Variants in RBFOX1 observed in about 807,000 individuals in gnomAD.
RBFOX1 encodes RNA binding fox-1 homolog 1, also known as RNA binding protein fox-1 homolog 1.
Under a neutral mutation model 57.7 loss-of-function variants are expected in RBFOX1, and 8 were observed. The observed-to-expected ratio is 0.14, with a 90% CI of 0.08 to 0.25. The LOEUF (loss-of-function observed/expected upper bound fraction) is 0.25. Among genes scored for constraint, RBFOX1 ranks in the 10% least tolerant of loss-of-function variants. RBFOX1 has a pLI of 1.00. For synonymous variants in RBFOX1, 326 were observed against 222.4 expected (o/e 1.47, Z -4.15); for missense variants, 611 against 548.5 (o/e 1.11, Z -1.14).
intron 1 of RBFOX1, among the ~76,000 whole-genome samples, chr16:6,138,466 G>T (rs998263207): frequency 1.3e-5 from 2 of 152,194 alleles, no homozygotes; most frequent in African/African-American, 4.8e-5. Flanking sequence ...GTAACATTCA[G>T]TTCCTTGCAG....
chr16:6,849,373 G>C (rs2093943604), intron 3 of RBFOX1, among the ~76,000 whole-genome samples: 1 of 152,148 alleles, frequency 6.6e-6, no homozygotes, highest in South Asian at 2.1e-4. Flanking sequence ...ACTTTAGATA[G>C]AACTGAAAGG....
At chr16:7,387,218 T>C (rs1250287623) in intron 4 of RBFOX1, among the ~76,000 whole-genome samples, 1 of 152,230 alleles carries the variant, frequency 6.6e-6, no homozygotes, top group African/African-American at 2.4e-5. Context: ...ACACCAACCA[T>C]TGTGCAAAGT....
Position 6,565,126 on chromosome 16 carries a change from CAAAAAAAAAA to C in RBFOX1, c.-63-89468_-63-89459del, listed in dbSNP as rs34624731. Among the ~76,000 whole-genome samples, 4 of 98,226 alleles carry C rather than the reference CAAAAAAAAAA, an allele frequency of 4.1e-5. No individual in the cohort carries two copies. The East Asian group carries it at 1.2e-3, about 29-fold the overall frequency. The allele number at this position is 98,226 out of a possible 152,430, so 64.4% of individuals were successfully genotyped here. On this transcript the variant is annotated intron_variant, in intron 2 of 15. Transcript: ENST00000550418. ...AGCCTGGGTGGGGAGACTCTGTCTCCAAAAAAAAAAAAAAAAAAGCATTTGCAACAGGGAA... is the reference window on the plus strand; with the variant it reads ...AGCCTGGGTGGGGAGACTCTGTCTCCAAAAAAAAGCATTTGCAACAGGGAA...
At chr16:7,140,943 G>T (rs1325532663) in intron 4 of RBFOX1, among the ~76,000 whole-genome samples, 3 of 152,180 alleles carry the variant, frequency 2.0e-5, no homozygotes, top group African/African-American at 7.2e-5. Context: ...GTGTCTCAGA[G>T]CCTAACGTGG....
In RBFOX1 at chr16:6,826,393, A is replaced by C. The variant is rs28621982; in HGVS notation, c.-16+171743A>C. Among the ~76,000 whole-genome samples, 1,116 of 152,286 alleles carry C rather than the reference A, an allele frequency of 7.3e-3. 24 individuals are homozygous for C. Among genetic ancestry groups the C allele is most frequent in the African/African-American group, 0.026 (1,077 of 41,552 alleles). ...GTGCTTAGAACACTGCCTGGTACATAGTAAATACTCCAGAGTTGCTCGCTG... is the reference window on the plus strand; with the variant it reads ...GTGCTTAGAACACTGCCTGGTACATCGTAAATACTCCAGAGTTGCTCGCTG... On this transcript the variant is annotated intron_variant, in intron 3 of 15. Transcript: ENST00000550418.
chr16:7,189,562 C>T (rs570998565), intron 4 of RBFOX1, among the ~76,000 whole-genome samples: 6 of 148,642 alleles, frequency 4.0e-5, no homozygotes, highest in African/African-American at 1.5e-4. Context: ...AAAACACACA[C>T]ACACACACAC....
intron 4 of RBFOX1, among the ~76,000 whole-genome samples, chr16:5,959,742 G>A (rs917937123): frequency 1.1e-4 from 17 of 152,278 alleles, no homozygotes; most frequent in African/African-American, 2.2e-4. Context: ...ATCCCAGGAG[G>A]CAGAGGTTGT....
chr16:6,529,774 T>G lies in RBFOX1; in HGVS notation c.-63-124829T>G, dbSNP rs1488999432. Among the ~76,000 whole-genome samples the G allele has an allele frequency of 2.0e-5, 3 of 152,232 alleles. No homozygotes were observed. The East Asian group carries it at 5.8e-4, about 29-fold the overall frequency. Reference sequence around the variant, plus strand: ...AGTTCTACAAAACGCCAAGTTGTAGTAACACTTGAGAATCTGAACTGCATG... The same window carrying G: ...AGTTCTACAAAACGCCAAGTTGTAGGAACACTTGAGAATCTGAACTGCATG... On this transcript the variant is annotated intron_variant, in intron 2 of 15. Transcript: ENST00000550418.
intron 3 of RBFOX1, among the ~76,000 whole-genome samples, chr16:5,786,147 C>G (rs997588163): frequency 2.0e-5 from 3 of 152,184 alleles, no homozygotes; most frequent in Non-Finnish European, 4.4e-5. Flanking sequence ...TGCTCCACCT[C>G]TCACCCCAGA....
chr16:6,606,019 G>A (rs1319241112), intron 2 of RBFOX1, among the ~76,000 whole-genome samples: 2 of 152,070 alleles, frequency 1.3e-5, no homozygotes, highest in African/African-American at 4.8e-5. Flanking sequence ...TGAGGCAGGA[G>A]GATCACTTGA....
At chr16:5,669,533 C>A (rs2049953049) in intron 3 of RBFOX1, among the ~76,000 whole-genome samples, 1 of 149,602 alleles carries the variant, frequency 6.7e-6, no homozygotes, top group African/African-American at 2.5e-5. Context: ...AATTCTCCTG[C>A]CTCAGCCTGC....
rs570642557 is a variant in RBFOX1, at chr16:6,641,730, G to C, written c.-63-12873G>C. On this transcript the variant is annotated intron_variant, in intron 2 of 15. Coordinates refer to ENST00000550418, the MANE Select transcript of RBFOX1 (RefSeq NM_018723.4). ...AGCCTGGGTGACAGAGCAGGACTCC[G>C]TCTCAAAAAAAAAAAAAAAAAAAAA... 2.7e-4 allele frequency among the ~76,000 whole-genome samples: 21 copies of C among 76,698 alleles called. No individual in the cohort carries two copies. The East Asian group carries it at 7.0e-3, about 26-fold the overall frequency. The allele number at this position is 76,698 out of a possible 152,430, so 50.3% of individuals were successfully genotyped here.
intron 2 of RBFOX1, among the ~76,000 whole-genome samples, chr16:6,538,702 C>T (rs1043506244): frequency 2.7e-4 from 41 of 152,288 alleles, no homozygotes; most frequent in Non-Finnish European, 5.1e-4. Context: ...AAGGTAAACA[C>T]AGAATTCTCA....
At chr16:6,489,914 G>A (rs574802764) in intron 2 of RBFOX1, among the ~76,000 whole-genome samples, 9 of 148,128 alleles carry the variant, frequency 6.1e-5, no homozygotes, top group Non-Finnish European at 1.2e-4. Context: ...TAATTGTCAT[G>A]TTGGAAAAAT....
At chr16:5,243,566 G>A (rs1278879565) in intron 1 of RBFOX1, among the ~76,000 whole-genome samples, 1 of 152,158 alleles carries the variant, frequency 6.6e-6, no homozygotes, top group Admixed American at 6.5e-5. Flanking sequence ...TCCTCTAGGT[G>A]CCATTCCCCC....
At chr16:7,440,129 C>T (rs1216618997) in intron 4 of RBFOX1, among the ~76,000 whole-genome samples, 1 of 151,688 alleles carries the variant, frequency 6.6e-6, no homozygotes, top group African/African-American at 2.4e-5. Flanking sequence ...CTCCTGGGCT[C>T]AAGAGACCTG....
chr16:6,504,723 A>G (rs1396479385), intron 2 of RBFOX1, among the ~76,000 whole-genome samples: 2 of 152,134 alleles, frequency 1.3e-5, no homozygotes, highest in African/African-American at 4.8e-5. Flanking sequence ...TATCTTACAA[A>G]AGCAGAATAA....
intron 4 of RBFOX1, among the ~76,000 whole-genome samples, chr16:5,980,112 C>A (rs375018907): frequency 1.3e-5 from 2 of 152,214 alleles, no homozygotes; most frequent in Non-Finnish European, 2.9e-5. Flanking sequence ...AGCAGCCTTT[C>A]TCTGGAAGGC....
chr16:7,092,812 T>G (rs1486062391), intron 4 of RBFOX1, among the ~76,000 whole-genome samples: 2 of 152,218 alleles, frequency 1.3e-5, no homozygotes, highest in Admixed American at 1.3e-4. Flanking sequence ...TAATTATTTT[T>G]TCTTCAAGTA....
Sources: allele counts gnomAD v4.1 joint callset (sites outside exome capture counted in the v4.1 genomes callset), GRCh38; gene constraint gnomAD v4.1.1; transcripts MANE v1.5; gene names NCBI Gene and HGNC (gene_info 2026-07-23, HGNC 2026-07-21).